PARVB: variants seen among roughly 807,000 people sequenced by gnomAD.
PARVB encodes the protein parvin beta.
In PARVB, 46 loss-of-function variants were observed where a neutral mutation model predicts 47.0. That is an observed-to-expected ratio of 0.98 (90% CI 0.77 to 1.25). The LOEUF (loss-of-function observed/expected upper bound fraction) is 1.25, where lower values mean the gene tolerates loss of function less well. Ranked by LOEUF, PARVB falls within the 50% of genes most tolerant of loss-of-function variation. PARVB has a pLI of 0.00. For missense variants in PARVB, 473 were observed against 471.6 expected (o/e 1.00, Z -0.03); for synonymous variants, 196 against 196.3 (o/e 1.00, Z 0.01).
At chr22:44,050,639 G>C (rs571156452) in intron 1 of PARVB, among the ~76,000 whole-genome samples, 30 of 152,218 alleles carry the variant, frequency 2.0e-4, no homozygotes, top group Non-Finnish European at 3.5e-4. Flanking sequence ...CGCCTGGCCA[G>C]TCCTGCACTC....
chr22:44,118,155 G>A (rs569081426), intron 3 of PARVB, among the ~76,000 whole-genome samples: 18 of 152,268 alleles, frequency 1.2e-4, no homozygotes, highest in East Asian at 3.9e-4. Flanking sequence ...GGTGATAACC[G>A]AAATAACCAT....
At chr22:44,104,401 A>C (rs1246677433) in intron 3 of PARVB, 1 of 152,380 alleles carries the variant, frequency 6.6e-6, no homozygotes, top group East Asian at 1.9e-4. Context: ...GTGGTGGCAC[A>C]GAGGCGATAT....
Position 44,171,638 on chromosome 22 carries a change from C to G in PARVB, c.*2960C>G, listed in dbSNP as rs1173243552. 1 of 152,092 alleles carries G rather than the reference C, an allele frequency of 6.6e-6. No individual in the cohort carries two copies. Among genetic ancestry groups the G allele is most frequent in the Admixed American group, 6.6e-5 (1 of 15,258 alleles). 9.4% of individuals were successfully genotyped at this position (152,092 alleles called of 1,614,324 possible). ...GGGGCTTCAGCTTCTCAGGGAGGTC[C>G]TGGCGGCCCCCATCTAGTAAACCAG... On this transcript the variant is annotated 3_prime_UTR_variant, in exon 13 of 13. Transcript: ENST00000338758.
chr22:44,136,553 G>A, intron 7 of PARVB, 35 bp downstream of exon 7: 5 of 1,587,278 alleles, frequency 3.2e-6, no homozygotes, highest in Non-Finnish European at 4.3e-6. Flanking sequence ...TCCAGGCCCT[G>A]CTGCCCCGAG....
intron 2 of PARVB, among the ~76,000 whole-genome samples, chr22:44,017,824 C>G (rs1454745560): frequency 6.6e-6 from 1 of 152,130 alleles, no homozygotes; most frequent in Non-Finnish European, 1.5e-5. Context: ...CCCTTGCTCT[C>G]TCCTGGTTAG....
chr22:44,094,641 C>T (rs1044843072), intron 2 of PARVB, among the ~76,000 whole-genome samples: 1 of 149,836 alleles, frequency 6.7e-6, no homozygotes, highest in African/African-American at 2.4e-5. Flanking sequence ...AGGCATGTGC[C>T]ACCCCGCCCA....
chr22:44,163,177 G>T (rs6006684), intron 11 of PARVB, among the ~76,000 whole-genome samples: 38 of 152,316 alleles, frequency 2.5e-4, no homozygotes, highest in African/African-American at 8.4e-4. Flanking sequence ...CTGTGAAATG[G>T]GGTCACTGTG....
chr22:44,110,087 T>C (rs1346220956), intron 3 of PARVB: 1 of 113,864 alleles, frequency 8.8e-6, no homozygotes, highest in Non-Finnish European at 1.6e-5. Flanking sequence ...CACTCCAGCC[T>C]GGGCGACAGA....
At position 44,161,685 on chromosome 22, in the gene PARVB, T is replaced by C. The variant is rs2054056294; in HGVS notation, c.946-2173T>C. 3.3e-5 allele frequency among the ~76,000 whole-genome samples: 5 copies of C among 152,314 alleles called. No individual in the cohort carries two copies. In the South Asian group the frequency reaches 1.0e-3, roughly 32 times the overall value. On this transcript the variant is annotated intron_variant, in intron 11 of 12. Coordinates refer to ENST00000338758, the MANE Select transcript of PARVB (RefSeq NM_013327.5). Reference sequence around the variant, plus strand: ...CACCACCCTCCTTTGTGAAGGAAGATGATATTCACCTCGTACAGGGCTGGG... The same window carrying C: ...CACCACCCTCCTTTGTGAAGGAAGACGATATTCACCTCGTACAGGGCTGGG...
intron 1 of PARVB, among the ~76,000 whole-genome samples, chr22:44,039,338 C>G (rs1219092653): frequency 1.3e-5 from 2 of 152,052 alleles, no homozygotes; most frequent in African/African-American, 4.8e-5. Flanking sequence ...ATCACCTGAG[C>G]TCAGGAGTTC....
intron 2 of PARVB, among the ~76,000 whole-genome samples, chr22:44,097,848 G>A (rs750120186): frequency 2.6e-5 from 4 of 152,134 alleles, no homozygotes; most frequent in African/African-American, 4.8e-5. Context: ...GCCTCGAAAC[G>A]GCATCTCTGT....
intron 1 of PARVB, among the ~76,000 whole-genome samples, chr22:44,075,097 G>C (rs1027061049): frequency 6.6e-6 from 1 of 152,194 alleles, no homozygotes; most frequent in Non-Finnish European, 1.5e-5. Context: ...TACCCTCCCA[G>C]TGTGGGGGTG....
chr22:44,042,507 G>C (rs2146919978), intron 1 of PARVB, among the ~76,000 whole-genome samples: 1 of 152,358 alleles, frequency 6.6e-6, no homozygotes, highest in Admixed American at 6.5e-5. Flanking sequence ...GGCATTTGCA[G>C]AGATGGGACG....
chr22:44,111,156 G>A (rs987783319), intron 3 of PARVB: 5 of 151,806 alleles, frequency 3.3e-5, no homozygotes, highest in Admixed American at 1.3e-4. Flanking sequence ...AAGCATCTAG[G>A]GCCACATTTG....
At chr22:44,142,658 C>G (rs2053579889) in intron 8 of PARVB, 1 of 152,080 alleles carries the variant, frequency 6.6e-6, no homozygotes. Context: ...GGCAGTGGCT[C>G]CCTAGGTAAG....
At chr22:44,048,334 A>C (rs996540858) in intron 1 of PARVB, among the ~76,000 whole-genome samples, 2 of 152,138 alleles carry the variant, frequency 1.3e-5, no homozygotes, top group Admixed American at 6.5e-5. Flanking sequence ...CCATGTGGAC[A>C]TATCTTTTGG....
chr22:44,025,231 T>C (rs1040088769), intron 1 of PARVB, among the ~76,000 whole-genome samples: 1 of 151,916 alleles, frequency 6.6e-6, no homozygotes, highest in African/African-American at 2.4e-5. Flanking sequence ...CGGCCTCAGG[T>C]GGGTCCCCGG....
intron 6 of PARVB, among the ~76,000 whole-genome samples, chr22:44,135,737 T>G (rs1265595587): frequency 6.6e-6 from 1 of 152,198 alleles, no homozygotes; most frequent in Non-Finnish European, 1.5e-5. Context: ...TAGGATGTCC[T>G]CCCTCATGTC....
At chr22:44,009,458 T>C (rs2050499286) in intron 2 of PARVB, 1 of 152,200 alleles carries the variant, frequency 6.6e-6, no homozygotes, top group Non-Finnish European at 1.5e-5. Flanking sequence ...ATCAACTTGT[T>C]ATTTTTTTGT....
Sources: gnomAD v4.1 joint callset for allele counts (sites outside exome capture counted in the v4.1 genomes callset) on GRCh38, gnomAD v4.1.1 for gene constraint, MANE v1.5 for transcripts, NCBI Gene and HGNC (gene_info 2026-07-23, HGNC 2026-07-21) for gene names.